The following CCDC144A variants were observed in gnomAD, a reference collection of about 807,000 sequenced individuals.
CCDC144A encodes the protein coiled-coil domain-containing protein 144A.
Under a neutral mutation model 143.8 loss-of-function variants are expected in CCDC144A, and 41 were observed. The ratio of observed to expected loss-of-function variants is 0.29; its 90% CI spans 0.22 to 0.37. The LOEUF is 0.37. Among genes scored for constraint, CCDC144A ranks in the 10% least tolerant of loss-of-function variants. CCDC144A has a pLI of 1.00. For synonymous variants in CCDC144A, 242 were observed against 517.9 expected (o/e 0.47, Z 7.23); for missense variants, 637 against 1,488.8 (o/e 0.43, Z 9.41).
intron 15 of CCDC144A, among the ~76,000 whole-genome samples, chr17:16,767,493 A>T (rs567158807): frequency 2.5e-4 from 32 of 127,456 alleles, no homozygotes; most frequent in Middle Eastern, 7.8e-3. Context: ...ATCTAAACTG[A>T]GATTTACAAA....
At chr17:16,712,654 A>G (rs1912521799) in intron 6 of CCDC144A, among the ~76,000 whole-genome samples, 1 of 152,136 alleles carries the variant, frequency 6.6e-6, no homozygotes, top group Non-Finnish European at 1.5e-5. Flanking sequence ...ATACTTATGT[A>G]TAAGGATATT....
At position 16,777,333 on chromosome 17, in the gene CCDC144A, GA is replaced by G. The variant is rs1916036352; in HGVS notation, c.*3701del. On this transcript the variant is annotated 3_prime_UTR_variant, in exon 17 of 17. Transcript: ENST00000399273. The stretch of plus-strand genomic sequence containing the variant: ...ACAGAAAGTCAACAAAGAAACAATG[GA>G]CTTAAACTATACCCTGGAACATATG... 1 of 151,940 alleles carries G rather than the reference GA, an allele frequency of 6.6e-6. No homozygotes were observed. The highest frequency in any genetic ancestry group is 1.5e-5 in the Non-Finnish European group (1 of 68,040). 9.4% of individuals were successfully genotyped at this position (151,940 alleles called of 1,614,324 possible). A position where few individuals can be genotyped will look rare whatever the true frequency, so the allele number is the denominator to read the frequency against.
At chr17:16,748,405 T>C (rs1914637423) in intron 12 of CCDC144A, among the ~76,000 whole-genome samples, 1 of 152,240 alleles carries the variant, frequency 6.6e-6, no homozygotes, top group African/African-American at 2.4e-5. Flanking sequence ...TATTGATTTG[T>C]GTACTTTGAA....
At chr17:16,742,648 T>C (rs1345245834) in intron 12 of CCDC144A, among the ~76,000 whole-genome samples, 1 of 152,196 alleles carries the variant, frequency 6.6e-6, no homozygotes, top group African/African-American at 2.4e-5. Context: ...GTTATACTAG[T>C]TTACATTCCC....
At chr17:16,693,440 G>C (rs146670771) in intron 2 of CCDC144A, among the ~76,000 whole-genome samples, 2 of 151,642 alleles carry the variant, frequency 1.3e-5, no homozygotes, top group Admixed American at 1.3e-4. Context: ...CTCAGCCTGC[G>C]GAGTAGCTGG....
chr17:16,767,518 G>A (rs1243128799), intron 15 of CCDC144A, among the ~76,000 whole-genome samples: 4 of 150,632 alleles, frequency 2.7e-5, no homozygotes, highest in African/African-American at 9.8e-5. Flanking sequence ...GGTAGGGGGT[G>A]GGGTGGGTTT....
At chr17:16,682,818 AG>A in the CCDC144A span, among the ~76,000 whole-genome samples, 2 of 141,510 alleles carry the variant, frequency 1.4e-5, no homozygotes, top group Non-Finnish European at 3.0e-5. Flanking sequence ...ATTTTGTTGT[AG>A]TGAGTAGGTG....
chr17:16,709,839 C>T (rs567785366), intron 5 of CCDC144A, among the ~76,000 whole-genome samples: 1 of 152,344 alleles, frequency 6.6e-6, no homozygotes, highest in East Asian at 1.9e-4. Context: ...CTAAGTCTCT[C>T]TGTCAGTCTT....
chr17:16,701,298 C>G (rs1162246485), intron 2 of CCDC144A, among the ~76,000 whole-genome samples: 1 of 152,082 alleles, frequency 6.6e-6, no homozygotes, highest in African/African-American at 2.4e-5. Context: ...ATTATCAGTA[C>G]CCCCCATCGG....
chr17:16,726,402 T>C (rs2649290), intron 8 of CCDC144A, among the ~76,000 whole-genome samples: 1 of 138,578 alleles, frequency 7.2e-6, no homozygotes. Flanking sequence ...AAAAGAGAGA[T>C]AAAAAAAAAA....
chr17:16,685,886 C>G (rs1367537744), upstream of CCDC144A, among the ~76,000 whole-genome samples: 1 of 151,826 alleles, frequency 6.6e-6, no homozygotes, highest in Non-Finnish European at 1.5e-5. Flanking sequence ...ATTCTGCTGC[C>G]TCAGCCTCCC....
intron 16 of CCDC144A, 105 bp from the exon 17 acceptor site, chr17:16,773,392 G>C: frequency 7.0e-7 from 1 of 1,423,198 alleles, no homozygotes; most frequent in Non-Finnish European, 9.3e-7. Context: ...AGACTGCAGT[G>C]ACCTGTGATC....
chr17:16,709,467 A>G lies in CCDC144A; in HGVS notation c.1410A>G (p.Lys470=). 6.2e-7 allele frequency: 1 copy of G among 1,611,614 alleles called. No homozygotes were observed. The highest frequency in any genetic ancestry group is 8.5e-7 in the Non-Finnish European group (1 of 1,179,608). The change falls in exon 5 of 17, where the codon AAA becomes AAG. Residue 470 remains lysine (K), a synonymous_variant. Coordinates refer to ENST00000399273, the MANE Select transcript of CCDC144A (RefSeq NM_001382000.1). ...SGSTNNYKSL[K]PKLENLSSLP... is the part of the protein sequence containing the mutation. ...GTACAAACAACTATAAAAGCCTGAA[A>G]CCTAAATTAGAAAATCTGAGTTCTT...
chr17:16,729,660 A>G (rs1027642581), intron 9 of CCDC144A, among the ~76,000 whole-genome samples: 19 of 151,154 alleles, frequency 1.3e-4, no homozygotes, highest in African/African-American at 3.7e-4. Context: ...GGTTCAAGCT[A>G]TTCTCCTGCC....
upstream of CCDC144A, among the ~76,000 whole-genome samples, chr17:16,687,691 A>T (rs1910831962): frequency 6.6e-6 from 1 of 152,152 alleles, no homozygotes; most frequent in African/African-American, 2.4e-5. Flanking sequence ...CCACTGTCAA[A>T]TCCAGCAATA....
At chr17:16,679,050 T>C in the CCDC144A span, among the ~76,000 whole-genome samples, 2 of 150,736 alleles carry the variant, frequency 1.3e-5, no homozygotes, top group South Asian at 4.3e-4. Flanking sequence ...CACTGCGCCC[T>C]GCATTGTCTT....
chr17:16,736,370 C>A (rs1354078585), intron 12 of CCDC144A, among the ~76,000 whole-genome samples: 1 of 151,942 alleles, frequency 6.6e-6, no homozygotes, highest in Admixed American at 6.5e-5. Flanking sequence ...CCTTGGCCTC[C>A]CAAAGTGCTG....
intron 12 of CCDC144A, among the ~76,000 whole-genome samples, chr17:16,751,270 T>G (rs190591236): frequency 6.6e-6 from 1 of 152,092 alleles, no homozygotes; most frequent in Non-Finnish European, 1.5e-5. Flanking sequence ...ATTGGCCTTT[T>G]TTTCTGGGTG....
chr17:16,711,250 T>A (rs1912426966), intron 5 of CCDC144A, among the ~76,000 whole-genome samples: 1 of 149,654 alleles, frequency 6.7e-6, no homozygotes, highest in South Asian at 2.2e-4. Flanking sequence ...ATCCTCTCAA[T>A]CTGGCTGTTT....
Sources: gnomAD v4.1 joint callset for allele counts (sites outside exome capture counted in the v4.1 genomes callset) on GRCh38, gnomAD v4.1.1 for gene constraint, MANE v1.5 for transcripts, NCBI Gene and HGNC (gene_info 2026-07-23, HGNC 2026-07-21) for gene names.